DNMT3A: variants seen among roughly 807,000 people sequenced by gnomAD.
DNMT3A encodes the protein DNA (cytosine-5)-methyltransferase 3A.
In DNMT3A, 267 loss-of-function variants were observed where a neutral mutation model predicts 117.6. The observed-to-expected ratio is 2.27, with a 90% CI of 2.05 to 2.51. The LOEUF (loss-of-function observed/expected upper bound fraction) is 2.51, where lower values mean the gene tolerates loss of function less well. Ranked by LOEUF, DNMT3A falls within the 30% of genes most tolerant of loss-of-function variation. DNMT3A has a pLI of 0.00. For synonymous variants in DNMT3A, 432 were observed against 474.8 expected (o/e 0.91, Z 1.17); for missense variants, 1,029 against 1,260.2 (o/e 0.82, Z 2.78).
chr2:25,297,531 G>GTTTT (rs2033166543), intron 3 of DNMT3A, among the ~76,000 whole-genome samples: 2 of 134,042 alleles, frequency 1.5e-5, no homozygotes, highest in African/African-American at 5.8e-5. Context: ...TTTTTTTTGA[G>GTTTT]ACAGAGTCTC....
At chr2:25,341,134 G>C (rs1234474559) in intron 1 of DNMT3A, among the ~76,000 whole-genome samples, 1 of 145,270 alleles carries the variant, frequency 6.9e-6, no homozygotes, top group Non-Finnish European at 1.5e-5. Context: ...TCCCCGGCCC[G>C]GCCCCGCCAT....
chr2:25,260,421 T>C (rs533242007), intron 6 of DNMT3A, among the ~76,000 whole-genome samples: 16 of 152,290 alleles, frequency 1.1e-4, no homozygotes, highest in African/African-American at 2.4e-4. Context: ...TTGAGAAACA[T>C]TGAAGTCTAA....
intron 1 of DNMT3A, among the ~76,000 whole-genome samples, chr2:25,321,532 T>G (rs1290965399): frequency 6.6e-6 from 1 of 152,182 alleles, no homozygotes; most frequent in Non-Finnish European, 1.5e-5. Context: ...CCATGTAAGG[T>G]GACATATTCA....
rs1307586626 is a variant in DNMT3A at position 25,298,939 on chromosome 2, C to CG, written c.177+1199_177+1200insC. On this transcript the variant is annotated intron_variant, in intron 3 of 22. Coordinates refer to ENST00000321117, the MANE Select transcript of DNMT3A (RefSeq NM_022552.5). This position sits in a 1 kb window ranked among gnomAD's most constrained non-coding sequence, Gnocchi z 4.3. Reference sequence around the variant, plus strand: ...CCCCCCACCTCCAGGAACTCACCACCCCCCCCGCCTCTACTGTCCCATTTC... The same window carrying CG: ...CCCCCCACCTCCAGGAACTCACCACCGCCCCCCGCCTCTACTGTCCCATTTC... 6.6e-6 allele frequency among the ~76,000 whole-genome samples: 1 copy of CG among 150,456 alleles called. No homozygotes were observed. The highest frequency in any genetic ancestry group is 1.5e-5 in the Non-Finnish European group (1 of 67,390).
Position 25,234,191 on chromosome 2 carries a change from C to T in DNMT3A, c.*88G>A. 6.6e-7 allele frequency: 1 copy of T among 1,517,180 alleles called. No homozygotes were observed. Among genetic ancestry groups the T allele is most frequent in the Non-Finnish European group, 8.9e-7 (1 of 1,127,378 alleles). 94.0% of individuals were successfully genotyped at this position (1,517,180 alleles called of 1,614,324 possible). The stretch of plus-strand genomic sequence containing the variant: ...TCTGGGTGCTGATACTTCTCTCCAT[C>T]CTCATGTTCTTGGTGTTTTATTATG... On this transcript the variant is annotated 3_prime_UTR_variant, in exon 23 of 23. Transcript: ENST00000321117. The surrounding 1 kb of genome is among the most constrained non-coding windows in gnomAD (Gnocchi z 4.5).
chr2:25,261,242 T>C (rs1330093569), intron 6 of DNMT3A, among the ~76,000 whole-genome samples: 1 of 151,444 alleles, frequency 6.6e-6, no homozygotes, highest in African/African-American at 2.4e-5. Context: ...AGTTTGAGAC[T>C]AGCCTGGCCA....
At chr2:25,270,197 C>G (rs2030743650) in intron 6 of DNMT3A, among the ~76,000 whole-genome samples, 1 of 152,204 alleles carries the variant, frequency 6.6e-6, no homozygotes, top group African/African-American at 2.4e-5. Flanking sequence ...GAGGTATGTG[C>G]CTGCTGTATT....
chr2:25,245,125 G>T, intron 13 of DNMT3A, 128 bp downstream of exon 13: 1 of 809,858 alleles, frequency 1.2e-6, no homozygotes, highest in Non-Finnish European at 2.0e-6. Context: ...TCCAGAGGAA[G>T]CTCTGAAGTC....
chr2:25,288,563 G>C (rs148261534), intron 3 of DNMT3A, among the ~76,000 whole-genome samples: 14,187 of 152,120 alleles, frequency 0.093, 895 homozygotes, highest in Non-Finnish European at 0.14. Context: ...ACCCACCTCA[G>C]CCTCCCAAAG....
chr2:25,255,076 C>T (rs896937527), intron 6 of DNMT3A, among the ~76,000 whole-genome samples: 7 of 152,230 alleles, frequency 4.6e-5, no homozygotes, highest in Non-Finnish European at 1.0e-4. Context: ...CCCAGAGCAT[C>T]TTTCTTCCCT....
intron 1 of DNMT3A, chr2:25,328,793 A>G (rs2034894919): frequency 2.2e-6 from 1 of 452,410 alleles, no homozygotes; most frequent in African/African-American, 2.0e-5. Context: ...AGGAGCTCCG[A>G]GGGCAGAACA....
rs2035473841 is a variant in DNMT3A, at chr2:25,341,833, C to G, written c.-185G>C. 2.0e-6 allele frequency: 2 copies of G among 980,250 alleles called. No homozygotes were observed. 60.7% of individuals were successfully genotyped at this position (980,250 alleles called of 1,614,324 possible). Reference sequence around the variant, plus strand: ...AGCAGCGGCGCTCATTACCGTATGGCCGGTGGGGTCGGGCCGGCCCGGCTG... The same window carrying G: ...AGCAGCGGCGCTCATTACCGTATGGGCGGTGGGGTCGGGCCGGCCCGGCTG... On this transcript the variant is annotated 5_prime_UTR_variant, in exon 1 of 23. Transcript: ENST00000321117.
At chr2:25,322,619 AG>A (rs1401728211) in intron 1 of DNMT3A, among the ~76,000 whole-genome samples, 1 of 150,322 alleles carries the variant, frequency 6.7e-6, no homozygotes, top group Non-Finnish European at 1.5e-5. Context: ...CTGAAGCCTC[AG>A]GACTGCTCCC....
rs201229831 is a variant in DNMT3A, at chr2:25,245,205, C to T, written c.1554+48G>A. 229 of 1,584,788 alleles carry T rather than the reference C, an allele frequency of 1.4e-4. No homozygotes were observed. In the African/African-American group the frequency reaches 2.1e-3, roughly 15 times the overall value. The stretch of plus-strand genomic sequence containing the variant: ...CGGTGGACACAGTCAGCCAGAAGGC[C>T]GAAGGGCCGGCCTCAACGGCACCTC... On this transcript the variant is annotated intron_variant, in intron 13 of 22. Coordinates refer to ENST00000321117, the MANE Select transcript of DNMT3A (RefSeq NM_022552.5).
chr2:25,325,595 G>T (rs1056965496), intron 1 of DNMT3A, among the ~76,000 whole-genome samples: 1 of 152,162 alleles, frequency 6.6e-6, no homozygotes, highest in East Asian at 1.9e-4. Context: ...GTCCTCGGGG[G>T]AGAGTGCTCC....
At chr2:25,329,519 C>T (rs1250631394) in intron 1 of DNMT3A, among the ~76,000 whole-genome samples, 1 of 152,074 alleles carries the variant, frequency 6.6e-6, no homozygotes, top group Non-Finnish European at 1.5e-5. Flanking sequence ...CTTGTGCTCA[C>T]TCCTAGGAAC....
Position 25,293,674 on chromosome 2 carries a change from A to AT in DNMT3A, c.177+6464_177+6465insA, listed in dbSNP as rs200041236. On this transcript the variant is annotated intron_variant, in intron 3 of 22. Coordinates refer to ENST00000321117, the MANE Select transcript of DNMT3A (RefSeq NM_022552.5). This position sits in a 1 kb window ranked among gnomAD's most constrained non-coding sequence, Gnocchi z 4.7. ...GCTACTATTTATTATATATATATATAAAAATTTATTTTTTTGAGACAGAGT... is the reference window on the plus strand; with the variant it reads ...GCTACTATTTATTATATATATATATATAAAATTTATTTTTTTGAGACAGAGT... Among the ~76,000 whole-genome samples the AT allele has an allele frequency of 7.1e-3, 1,076 of 151,894 alleles. 13 individuals carry two copies. Among genetic ancestry groups the AT allele is most frequent in the African/African-American group, 0.025 (1,022 of 41,440 alleles).
chr2:25,314,693 T>C (rs2149430343), intron 1 of DNMT3A: 1 of 985,408 alleles, frequency 1.0e-6, no homozygotes, highest in Non-Finnish European at 1.2e-6. Flanking sequence ...AGCTGAGGTC[T>C]GAGCTCAGGC....
In DNMT3A at chr2:25,230,037, G is replaced by A. The variant is rs2164411; in HGVS notation, c.*4242C>T. On this transcript the variant is annotated 3_prime_UTR_variant, in exon 23 of 23. Transcript: ENST00000321117. The stretch of plus-strand genomic sequence containing the variant: ...GTCCCAATCCACACTCCTGCAATGC[G>A]CCAAAAATCACACAGGCATCTCTAC... The A allele has an allele frequency of 0.18, 26,947 of 152,172 alleles. 2,910 individuals are homozygous for A. Among genetic ancestry groups the A allele is most frequent in the Admixed American group, 0.33 (5,080 of 15,272 alleles). The allele number at this position is 152,172 out of a possible 1,614,324, so 9.4% of individuals were successfully genotyped here.
Sources: allele counts gnomAD v4.1 joint callset (sites outside exome capture counted in the v4.1 genomes callset), GRCh38; gene constraint gnomAD v4.1.1; non-coding constraint Gnocchi (gnomAD v3.1); transcripts MANE v1.5; gene names NCBI Gene and HGNC (gene_info 2026-07-23, HGNC 2026-07-21).